DPYD: variants seen among roughly 807,000 people sequenced by gnomAD.
DPYD encodes the protein dihydropyrimidine dehydrogenase [NADP(+)].
DPYD carries 109 observed loss-of-function variants against 116.2 expected under a neutral mutation model. The ratio of observed to expected loss-of-function variants is 0.94; its 90% CI spans 0.80 to 1.10. DPYD has a LOEUF of 1.10. Ranked by LOEUF, DPYD falls within the 50% of genes least tolerant of loss-of-function variation. The pLI is 0.00. For synonymous variants in DPYD, 440 were observed against 432.0 expected, an observed-to-expected ratio of 1.02 and a Z score of -0.23; for missense variants, 1,302 against 1,254.5, an observed-to-expected ratio of 1.04 and a Z score of -0.57.
intron 18 of DPYD, among the ~76,000 whole-genome samples, chr1:97,266,548 A>T (rs1664239055): frequency 6.6e-6 from 1 of 152,134 alleles, no homozygotes; most frequent in Admixed American, 6.5e-5. Flanking sequence ...TTATTATTAT[A>T]CGTTAAGTTC....
chr1:97,338,651 C>T (rs932582401), intron 16 of DPYD, among the ~76,000 whole-genome samples: 2 of 152,056 alleles, frequency 1.3e-5, no homozygotes, highest in Non-Finnish European at 2.9e-5. Flanking sequence ...GGAACTTTGT[C>T]CCCCTTGGAC....
intron 10 of DPYD, among the ~76,000 whole-genome samples, chr1:97,584,980 T>C (rs1653993214): frequency 7.1e-6 from 1 of 141,562 alleles, no homozygotes; most frequent in Non-Finnish European, 1.5e-5. Flanking sequence ...AGAAATAAAA[T>C]AAAATGTGTA....
chr1:97,779,316 T>TACACAC (rs34698824), intron 3 of DPYD, among the ~76,000 whole-genome samples: 1 of 144,440 alleles, frequency 6.9e-6, no homozygotes, highest in East Asian at 2.0e-4. Context: ...CACACACACA[T>TACACAC]ACACACACAC....
intron 1 of DPYD, among the ~76,000 whole-genome samples, chr1:97,900,955 AAGAC>A (rs1673338382): frequency 6.6e-6 from 1 of 151,882 alleles, no homozygotes; most frequent in Non-Finnish European, 1.5e-5. Context: ...CTTCAACAAT[AAGAC>A]AGTTTAGCAA....
intron 2 of DPYD, among the ~76,000 whole-genome samples, chr1:97,870,777 T>G (rs1408942456): frequency 6.6e-6 from 1 of 151,800 alleles, no homozygotes; most frequent in Non-Finnish European, 1.5e-5. Flanking sequence ...GTCAAAGTGC[T>G]CCCTCTAATG....
At position 97,365,508 on chromosome 1, in the gene DPYD, A is replaced by T. The variant is rs77940168; in HGVS notation, c.2058+8053T>A. Among the ~76,000 whole-genome samples, 1,041 of 152,318 alleles carry T rather than the reference A, an allele frequency of 6.8e-3. 15 individuals carry two copies. The highest frequency in any genetic ancestry group is 0.024 in the African/African-American group (993 of 41,570). On this transcript the variant is annotated intron_variant, in intron 16 of 22. Transcript: ENST00000370192. Reference sequence around the variant, plus strand: ...ACAAATACATAGAGAATTCTGCTATATTTCTCAAACTCACTGTGATGTGAA... The same window carrying T: ...ACAAATACATAGAGAATTCTGCTATTTTTCTCAAACTCACTGTGATGTGAA...
At chr1:97,580,638 G>C (rs1653581784) in intron 10 of DPYD, among the ~76,000 whole-genome samples, 1 of 152,132 alleles carries the variant, frequency 6.6e-6, no homozygotes. Flanking sequence ...AAGCCCACTT[G>C]TGTGCTTTTT....
rs866082493 is a variant in DPYD, at chr1:97,079,274, G to A, written c.2908-128C>T. 6 of 927,040 alleles carry A rather than the reference G, an allele frequency of 6.5e-6. No individual in the cohort carries two copies. In the African/African-American group the frequency reaches 9.7e-5, roughly 15 times the overall value. The allele number at this position is 927,040 out of a possible 1,614,324, so 57.4% of individuals were successfully genotyped here. On this transcript the variant is annotated intron_variant, in intron 22 of 22. Transcript: ENST00000370192. ...TGAGACAACTACGTCCAGCTCTATGGTGCAACTATAGCAACAGTTGAGCTG... is the reference window on the plus strand; with the variant it reads ...TGAGACAACTACGTCCAGCTCTATGATGCAACTATAGCAACAGTTGAGCTG...
intron 20 of DPYD, among the ~76,000 whole-genome samples, chr1:97,174,687 CTTATT>C (rs1657123354): frequency 6.6e-6 from 1 of 152,066 alleles, no homozygotes; most frequent in African/African-American, 2.4e-5. Context: ...TATGATATAT[CTTATT>C]TTGTCATAGA....
chr1:97,665,428 T>C (rs1571154245), intron 8 of DPYD, among the ~76,000 whole-genome samples: 1 of 152,340 alleles, frequency 6.6e-6, no homozygotes, highest in East Asian at 1.9e-4. Flanking sequence ...TTTTGCTTTT[T>C]CTTTTTGTGT....
At chr1:97,384,381 T>A (rs1672185421) in intron 14 of DPYD, among the ~76,000 whole-genome samples, 1 of 152,112 alleles carries the variant, frequency 6.6e-6, no homozygotes, top group Non-Finnish European at 1.5e-5. Flanking sequence ...TTTTTCTTTT[T>A]CTTTCTGGAT....
At chr1:97,639,547 G>C (rs532771106) in intron 8 of DPYD, among the ~76,000 whole-genome samples, 1 of 152,106 alleles carries the variant, frequency 6.6e-6, no homozygotes, top group East Asian at 1.9e-4. Context: ...ATAAATAAGA[G>C]TTTAATTTAC....
rs573749470 is a variant in DPYD, at chr1:97,488,486, C to T, written c.1740+27240G>A. On this transcript the variant is annotated intron_variant, in intron 13 of 22. Transcript: ENST00000370192. ...CATAAGATTGGCAAATTATATTAAT[C>T]CAATATTTGTGCTCTTGTAAGTTTA... is the stretch of plus-strand genomic sequence containing the variant. Among the ~76,000 whole-genome samples, 6 of 152,184 alleles carry T rather than the reference C, an allele frequency of 3.9e-5. No individual in the cohort carries two copies. In the South Asian group the frequency reaches 1.2e-3, roughly 32 times the overall value.
intron 14 of DPYD, among the ~76,000 whole-genome samples, chr1:97,434,747 G>A: frequency 6.6e-6 from 1 of 152,160 alleles, no homozygotes; most frequent in Non-Finnish European, 1.5e-5. Context: ...TTGTGCGTAA[G>A]TATATATGCA....
chr1:97,681,313 G>A (rs963109102), intron 7 of DPYD, among the ~76,000 whole-genome samples: 2 of 152,204 alleles, frequency 1.3e-5, no homozygotes, highest in East Asian at 1.9e-4. Flanking sequence ...CATATTATAC[G>A]TGAAGACCTA....
At chr1:97,894,800 T>G (rs1195446607) in intron 1 of DPYD, among the ~76,000 whole-genome samples, 1 of 151,656 alleles carries the variant, frequency 6.6e-6, no homozygotes, top group African/African-American at 2.4e-5. Flanking sequence ...ATACTGTACT[T>G]TATTTTAAAA....
intron 19 of DPYD, among the ~76,000 whole-genome samples, chr1:97,205,660 T>A (rs1234104643): frequency 6.6e-6 from 1 of 152,086 alleles, no homozygotes; most frequent in Non-Finnish European, 1.5e-5. Flanking sequence ...ACAATTTCCA[T>A]AATATTTTTA....
chr1:97,148,205 C>T (rs932679220), intron 20 of DPYD, among the ~76,000 whole-genome samples: 2 of 148,418 alleles, frequency 1.3e-5, no homozygotes, highest in African/African-American at 5.1e-5. Context: ...CCCTCCATTG[C>T]CCATGTGTTC....
intron 3 of DPYD, among the ~76,000 whole-genome samples, chr1:97,746,292 C>T (rs1385243648): frequency 2.0e-5 from 3 of 152,040 alleles, no homozygotes; most frequent in Non-Finnish European, 2.9e-5. Flanking sequence ...TTTTAAGCAA[C>T]TGTGATTTAG....
Sources: gnomAD v4.1 joint callset for allele counts (sites outside exome capture counted in the v4.1 genomes callset) on GRCh38, gnomAD v4.1.1 for gene constraint, MANE v1.5 for transcripts, NCBI Gene and HGNC (gene_info 2026-07-23, HGNC 2026-07-21) for gene names.